The following NDE1 variants were observed in gnomAD, a reference collection of about 807,000 sequenced individuals.
NDE1 encodes the protein nuclear distribution protein nudE homolog 1.
In NDE1, 28 loss-of-function variants were observed where a neutral mutation model predicts 43.4. That is an observed-to-expected ratio of 0.65 (90% CI 0.48 to 0.89). The LOEUF (loss-of-function observed/expected upper bound fraction) is 0.89. Among genes scored for constraint, NDE1 ranks in the 40% least tolerant of loss-of-function variants. The pLI is 0.00. For synonymous variants in NDE1, 184 were observed against 172.0 expected (o/e 1.07, Z -0.55); for missense variants, 441 against 434.1 (o/e 1.02, Z -0.14).
intron 8 of NDE1, chr16:15,711,334 CAG>C (rs377170805): frequency 4.5e-4 from 68 of 152,258 alleles, no homozygotes; most frequent in African/African-American, 1.6e-3. Flanking sequence ...ATTATGATGT[CAG>C]AGAGAGTCTA....
intron 3 of NDE1, among the ~76,000 whole-genome samples, chr16:15,670,854 G>A (rs1291384393): frequency 2.0e-5 from 3 of 152,000 alleles, no homozygotes; most frequent in Non-Finnish European, 4.4e-5. Flanking sequence ...CTTTACTAAT[G>A]TATAGGAAAG....
At chr16:15,674,815 G>A (rs928406718) in intron 3 of NDE1, among the ~76,000 whole-genome samples, 4 of 151,986 alleles carry the variant, frequency 2.6e-5, no homozygotes, top group African/African-American at 9.7e-5. Context: ...AGGCTCAAAT[G>A]GTGTTCCCAT....
chr16:15,644,890 CAAAGA>C (rs2036286034), intron 1 of NDE1, among the ~76,000 whole-genome samples: 1 of 148,374 alleles, frequency 6.7e-6, no homozygotes, highest in Non-Finnish European at 1.5e-5. Context: ...CAGAAAACAT[CAAAGA>C]ATGCAGACAC....
chr16:15,703,028 G>C (rs2039273951), intron 8 of NDE1: 1 of 171,018 alleles, frequency 5.8e-6, no homozygotes, highest in Admixed American at 6.4e-5. Flanking sequence ...CTGCATTCAT[G>C]ACGTTAACCC....
rs201769310 is a variant in NDE1 at position 15,691,236 on chromosome 16, G to C, written c.616G>C (p.Val206Leu). 1 of 1,614,232 alleles carries C rather than the reference G, an allele frequency of 6.2e-7. No homozygotes were observed. The highest frequency in any genetic ancestry group is 1.1e-5 in the South Asian group (1 of 91,078). The change falls in exon 6 of 9, where the codon GTG (valine) becomes CTG (leucine). Residue 206 changes from valine (V) to leucine (L), a missense_variant. Coordinates refer to ENST00000396354, the MANE Select transcript of NDE1 (RefSeq NM_017668.3). The stretch of plus-strand genomic sequence containing the variant: ...GGAAGCTGAGAGGACAGACACAGCT[G>C]TGCAGGCCACGGGCTCCGTGCCGTC... ...SVEAERTDTA[V>L]QATGSVPSTP...
chr16:15,655,017 T>A (rs1389407010), intron 1 of NDE1, among the ~76,000 whole-genome samples: 1 of 151,942 alleles, frequency 6.6e-6, no homozygotes, highest in Admixed American at 6.6e-5. Context: ...GTTTTCATGT[T>A]GTTTATTTAT....
At chr16:15,722,522 G>T (rs1159754486) in intron 8 of NDE1, among the ~76,000 whole-genome samples, 2 of 152,194 alleles carry the variant, frequency 1.3e-5, no homozygotes, top group Non-Finnish European at 2.9e-5. Context: ...CACACTATGT[G>T]TGCCACTGCA....
chr16:15,695,815 G>A (rs933260913), intron 7 of NDE1: 1 of 647,706 alleles, frequency 1.5e-6, no homozygotes, highest in African/African-American at 2.0e-5. Flanking sequence ...TTGGAGTATA[G>A]AGAAGCCTGG....
At chr16:15,664,491 G>A (rs1296830559) in intron 1 of NDE1, among the ~76,000 whole-genome samples, 1 of 151,864 alleles carries the variant, frequency 6.6e-6, no homozygotes, top group Non-Finnish European at 1.5e-5. Context: ...TGAGTAGCTG[G>A]GACTACAGGC....
At chr16:15,662,440 G>A (rs918137573) in intron 1 of NDE1, among the ~76,000 whole-genome samples, 35 of 149,404 alleles carry the variant, frequency 2.3e-4, no homozygotes, top group African/African-American at 7.4e-4. Flanking sequence ...CTGCCACCAC[G>A]CCCAGCTAAT....
rs1368239871 is a variant in NDE1 at position 15,669,274 on chromosome 16, A to G, written c.237+1835A>G. The stretch of plus-strand genomic sequence containing the variant: ...AGTGGCACAATCTCACCTCACTGCA[A>G]CCTCCGCCTCCCAGGTTCAAGTGAT... On this transcript the variant is annotated intron_variant, in intron 3 of 8. Coordinates refer to ENST00000396354, the MANE Select transcript of NDE1 (RefSeq NM_017668.3). Among the ~76,000 whole-genome samples the G allele has an allele frequency of 4.0e-5, 6 of 148,716 alleles. No homozygotes were observed. In the East Asian group the frequency reaches 5.9e-4, roughly 15 times the overall value.
chr16:15,698,597 A>G (rs1027246169), intron 8 of NDE1, among the ~76,000 whole-genome samples: 2 of 152,094 alleles, frequency 1.3e-5, no homozygotes, highest in Admixed American at 6.6e-5. Flanking sequence ...AGTGGCTCAC[A>G]CCTGTAATCC....
At chr16:15,710,497 G>A (rs545323365) in intron 8 of NDE1, among the ~76,000 whole-genome samples, 8 of 152,182 alleles carry the variant, frequency 5.3e-5, no homozygotes, top group African/African-American at 1.9e-4. Context: ...CTCCAGCCTG[G>A]CAACAGAGCT....
At chr16:15,704,958 C>T (rs758533076) in intron 8 of NDE1, among the ~76,000 whole-genome samples, 4 of 152,002 alleles carry the variant, frequency 2.6e-5, no homozygotes, top group Non-Finnish European at 5.9e-5. Flanking sequence ...GCATTACAGG[C>T]GTGGGCCACC....
chr16:15,653,904 G>T (rs913291775), intron 1 of NDE1, among the ~76,000 whole-genome samples: 3 of 151,606 alleles, frequency 2.0e-5, no homozygotes, highest in Non-Finnish European at 2.9e-5. Context: ...ATTTTTTTGT[G>T]TTTTTGGTAG....
At position 15,667,426 on chromosome 16, in the gene NDE1, T is replaced by C. The variant is rs1372029313; in HGVS notation, c.224T>C (p.Leu75Pro). 2 of 1,613,764 alleles carry C rather than the reference T, an allele frequency of 1.2e-6. No individual in the cohort carries two copies. The highest frequency in any genetic ancestry group is 1.7e-6 in the Non-Finnish European group (2 of 1,179,852). The part of the protein sequence containing the change: ...LSENNRLRME[L>P]ETIKEKFEVQ... ...GAAAATAACCGCCTTCGCATGGAGC[T>C]GGAAACCATCAAGGTGAGGGGCTGA... is the stretch of plus-strand genomic sequence containing the variant. The change falls in exon 3 of 9, where the codon CTG (leucine) becomes CCG (proline). Residue 75 changes from leucine (L) to proline (P), a missense_variant. Coordinates refer to ENST00000396354, the MANE Select transcript of NDE1 (RefSeq NM_017668.3).
rs115113459 is a variant in NDE1, at chr16:15,702,368, G to A, written c.947+5508G>A. 4.1e-3 allele frequency among the ~76,000 whole-genome samples: 621 copies of A among 152,302 alleles called. 1 individual carries two copies. Among genetic ancestry groups the A allele is most frequent in the African/African-American group, 0.014 (583 of 41,570 alleles). ...GCAAGACCATATGTAGCCTGTAAAG[G>A]CTAAAATACTATCTGGCTGGGTGGG... On this transcript the variant is annotated intron_variant, in intron 8 of 8. Coordinates refer to ENST00000396354, the MANE Select transcript of NDE1 (RefSeq NM_017668.3).
At chr16:15,713,416 AAGC>A (rs533813220) in intron 8 of NDE1, 1 of 152,204 alleles carries the variant, frequency 6.6e-6, no homozygotes, top group Non-Finnish European at 1.5e-5. Context: ...AAAAAGTGAA[AAGC>A]AGCAGAGAGT....
chr16:15,677,771 C>G, intron 3 of NDE1, 30 bp from the exon 4 acceptor site: 2 of 1,613,722 alleles, frequency 1.2e-6, no homozygotes, highest in Non-Finnish European at 1.7e-6. Context: ...AGTCTTAAGT[C>G]ATTCACTCAG....
Sources: allele counts gnomAD v4.1 joint callset (sites outside exome capture counted in the v4.1 genomes callset), GRCh38; gene constraint gnomAD v4.1.1; transcripts MANE v1.5; gene names NCBI Gene and HGNC (gene_info 2026-07-23, HGNC 2026-07-21).